The following ROBO2 variants were observed in gnomAD, a reference collection of about 807,000 sequenced individuals.
The protein encoded by ROBO2 is roundabout guidance receptor 2, also known as roundabout homolog 2.
A neutral mutation model predicts 160.8 loss-of-function variants in ROBO2; 53 were observed. That is an observed-to-expected ratio of 0.33 (90% CI 0.26 to 0.41). The LOEUF (loss-of-function observed/expected upper bound fraction) is 0.41, where lower values mean the gene tolerates loss of function less well. ROBO2 is among the 10% of genes least tolerant of loss of function. The pLI, the probability that ROBO2 is intolerant of heterozygous loss-of-function variation, is 1.00. For synonymous variants in ROBO2, 664 were observed against 611.7 expected, an observed-to-expected ratio of 1.09 and a Z score of -1.26; for missense variants, 1,577 against 1,722.4, an observed-to-expected ratio of 0.92 and a Z score of 1.49.
intron 2 of ROBO2, among the ~76,000 whole-genome samples, chr3:77,134,031 C>T (rs1484617350): frequency 1.3e-5 from 2 of 152,052 alleles, no homozygotes; most frequent in Non-Finnish European, 2.9e-5. Flanking sequence ...ACAAAATTAG[C>T]CAGGTGCGGT....
intron 2 of ROBO2, among the ~76,000 whole-genome samples, chr3:76,924,499 A>G (rs1411174276): frequency 6.6e-6 from 1 of 152,194 alleles, no homozygotes; most frequent in Non-Finnish European, 1.5e-5. Context: ...CGAAACTGTG[A>G]AAAATAAACA....
intron 2 of ROBO2, among the ~76,000 whole-genome samples, chr3:77,289,118 T>A (rs2218265): frequency 0.31 from 46,821 of 151,984 alleles, 8,675 homozygotes; most frequent in Middle Eastern, 0.46. Flanking sequence ...TACAGTCTAG[T>A]GGGTGAAGTT....
intron 2 of ROBO2, among the ~76,000 whole-genome samples, chr3:76,119,121 G>A (rs915813629): frequency 6.6e-6 from 1 of 152,122 alleles, no homozygotes; most frequent in Non-Finnish European, 1.5e-5. Flanking sequence ...TGAATGAAAC[G>A]AGCTGTGTTA....
chr3:77,277,205 TTTCTTTC>T (rs1167604887), intron 2 of ROBO2, among the ~76,000 whole-genome samples: 13 of 133,810 alleles, frequency 9.7e-5, no homozygotes, highest in South Asian at 2.5e-4. Context: ...TCTTTCTTTC[TTTCTTTC>T]TTCTTTCTTT....
In ROBO2 at chr3:76,688,602, G is replaced by GGTGTGTGT. The variant is rs111250460; in HGVS notation, c.110-409394_110-409387dup. On this transcript the variant is annotated intron_variant, in intron 2 of 26. Transcript: ENST00000487694. The stretch of plus-strand genomic sequence containing the variant: ...GTAGACTAGGGAGAGAAATTTTAGT[G>GGTGTGTGT]GTGTGTGTGTGTGTGTGTGTGTGTG... 2.8e-4 allele frequency among the ~76,000 whole-genome samples: 41 copies of GGTGTGTGT among 148,768 alleles called. No homozygotes were observed. In the East Asian group the frequency reaches 4.0e-3, roughly 14 times the overall value.
intron 2 of ROBO2, among the ~76,000 whole-genome samples, chr3:76,217,127 C>T (rs955628276): frequency 3.4e-4 from 52 of 151,988 alleles, no homozygotes; most frequent in Non-Finnish European, 1.5e-4. Context: ...ACAAAGAAGA[C>T]ACAACATACC....
At chr3:77,618,705 C>T (rs929239712) in intron 22 of ROBO2, among the ~76,000 whole-genome samples, 28 of 152,000 alleles carry the variant, frequency 1.8e-4, no homozygotes, top group African/African-American at 6.5e-4. Context: ...TAAAATACAG[C>T]TAACTATACA....
At chr3:77,555,935 T>C (rs1024314017) in intron 8 of ROBO2, among the ~76,000 whole-genome samples, 1 of 151,816 alleles carries the variant, frequency 6.6e-6, no homozygotes, top group Non-Finnish European at 1.5e-5. Flanking sequence ...CAAAAGGTGA[T>C]GAGCTACTCA....
At chr3:76,721,362 A>G (rs2093464104) in intron 2 of ROBO2, among the ~76,000 whole-genome samples, 1 of 152,202 alleles carries the variant, frequency 6.6e-6, no homozygotes, top group Non-Finnish European at 1.5e-5. Context: ...ATTATAAAGT[A>G]GCATATTTCT....
chr3:76,589,287 T>C (rs2086256519), intron 2 of ROBO2, among the ~76,000 whole-genome samples: 1 of 152,060 alleles, frequency 6.6e-6, no homozygotes, highest in South Asian at 2.1e-4. Flanking sequence ...ATATAAGAAA[T>C]AAACACTTGG....
chr3:76,110,253 T>C (rs1332193013), intron 2 of ROBO2, among the ~76,000 whole-genome samples: 1 of 152,178 alleles, frequency 6.6e-6, no homozygotes, highest in Non-Finnish European at 1.5e-5. Context: ...TATATTAATC[T>C]TTTTAATTCT....
chr3:76,549,108 G>A (rs892119830), intron 2 of ROBO2, among the ~76,000 whole-genome samples: 1 of 152,058 alleles, frequency 6.6e-6, no homozygotes, highest in East Asian at 1.9e-4. Flanking sequence ...TTTGGGGTTG[G>A]GGTGCGAGAA....
At chr3:76,878,479 A>G (rs941118611) in intron 2 of ROBO2, among the ~76,000 whole-genome samples, 2 of 152,204 alleles carry the variant, frequency 1.3e-5, no homozygotes, top group Middle Eastern at 3.2e-3. Flanking sequence ...CATTTCCCAC[A>G]TAAATAAGTA....
intron 2 of ROBO2, among the ~76,000 whole-genome samples, chr3:77,259,579 G>C (rs891551216): frequency 2.0e-5 from 3 of 152,148 alleles, no homozygotes; most frequent in African/African-American, 7.2e-5. Flanking sequence ...TTAGTATTTG[G>C]AAGTAAAATA....
At chr3:76,039,920 G>A (rs1410256746) in intron 2 of ROBO2, among the ~76,000 whole-genome samples, 1 of 151,980 alleles carries the variant, frequency 6.6e-6, no homozygotes, top group Non-Finnish European at 1.5e-5. Context: ...ATGACATCCT[G>A]TGGTTCCTTT....
intron 2 of ROBO2, among the ~76,000 whole-genome samples, chr3:76,619,214 C>T (rs1321376199): frequency 2.0e-5 from 3 of 151,540 alleles, no homozygotes; most frequent in Admixed American, 1.3e-4. Context: ...GTAGCGGGCG[C>T]CTGTAGTCCC....
chr3:77,132,367 C>A (rs547184812), intron 2 of ROBO2, among the ~76,000 whole-genome samples: 1 of 148,526 alleles, frequency 6.7e-6, no homozygotes, highest in Non-Finnish European at 1.5e-5. Flanking sequence ...GTTTTTCCAA[C>A]TCTCTCTGAT....
In ROBO2 at chr3:76,305,963, G is replaced by A. The variant is rs74782935; in HGVS notation, c.109+368361G>A. ...TGATAATTCTTTGTTGGGAGGGGAG[G>A]CCTGTCCTGTGCATCGCAGGGTGTG... On this transcript the variant is annotated intron_variant, in intron 2 of 26. Coordinates refer to the ROBO2 transcript ENST00000487694. Among the ~76,000 whole-genome samples, 5 of 152,130 alleles carry A rather than the reference G, an allele frequency of 3.3e-5. No homozygotes were observed. In the East Asian group the frequency reaches 9.7e-4, roughly 29 times the overall value.
chr3:76,102,301 T>C (rs1009246591), intron 2 of ROBO2, among the ~76,000 whole-genome samples: 1 of 152,174 alleles, frequency 6.6e-6, no homozygotes, highest in Non-Finnish European at 1.5e-5. Context: ...CATTTGGATA[T>C]ACTGGACTAT....
Sources: gnomAD v4.1 joint callset for allele counts (sites outside exome capture counted in the v4.1 genomes callset) on GRCh38, gnomAD v4.1.1 for gene constraint, MANE v1.5 for transcripts, NCBI Gene and HGNC (gene_info 2026-07-23, HGNC 2026-07-21) for gene names.